The following SAMD5 variants were observed in gnomAD, a reference collection of about 807,000 sequenced individuals.
SAMD5 encodes sterile alpha motif domain containing 5.
SAMD5 carries 13 observed loss-of-function variants against 11.3 expected under a neutral mutation model. That is an observed-to-expected ratio of 1.15 (90% confidence interval 0.75 to 1.83). SAMD5 has a LOEUF of 1.83. Among genes scored for constraint, SAMD5 ranks in the 40% most tolerant of loss-of-function variants. SAMD5 has a pLI of 0.00. For missense variants in SAMD5, 255 were observed against 239.1 expected, an observed-to-expected ratio of 1.07 and a Z score of -0.44; for synonymous variants, 129 against 111.3, an observed-to-expected ratio of 1.16 and a Z score of -1.00.
intron 1 of SAMD5, among the ~76,000 whole-genome samples, chr6:147,678,256 CAGT>C (rs199844907): frequency 0.12 from 17,520 of 140,726 alleles, 1,106 homozygotes; most frequent in Middle Eastern, 0.17. Flanking sequence ...AAAAATAAAA[CAGT>C]AGGATTTACA....
the SAMD5 span, among the ~76,000 whole-genome samples, chr6:147,782,950 G>A: frequency 0.011 from 1,654 of 152,188 alleles, 21 homozygotes; most frequent in Non-Finnish European, 0.016. Context: ...TGATTTTTGT[G>A]TCTGTAATTG....
At chr6:147,712,335 G>T (rs1012892560) in intron 1 of SAMD5, among the ~76,000 whole-genome samples, 2 of 152,034 alleles carry the variant, frequency 1.3e-5, no homozygotes, top group African/African-American at 4.8e-5. Flanking sequence ...TTTTTTCCAG[G>T]AATATTATTT....
intron 1 of SAMD5, among the ~76,000 whole-genome samples, chr6:147,548,409 T>C (rs902211255): frequency 6.6e-6 from 1 of 152,238 alleles, no homozygotes; most frequent in African/African-American, 2.4e-5. Flanking sequence ...GTTACATGTC[T>C]AATTGTTTAT....
chr6:147,934,188 A>G, the SAMD5 span, among the ~76,000 whole-genome samples: 1 of 152,228 alleles, frequency 6.6e-6, no homozygotes, highest in Non-Finnish European at 1.5e-5. Context: ...TGTTGCCTTC[A>G]CTGATTAGGA....
chr6:147,795,319 G>A, the SAMD5 span, among the ~76,000 whole-genome samples: 2 of 144,292 alleles, frequency 1.4e-5, no homozygotes, highest in African/African-American at 2.7e-5. Flanking sequence ...TGCGGTGTTT[G>A]GTTTTTTGTC....
chr6:147,567,550 C>T lies in SAMD5; in HGVS notation c.*3094C>T. ...TCTGTAAAATGGGAAAAATAAATAC[C>T]TCTATAGCTCTTAAGAGGCTTAAGA... On this transcript the variant is annotated 3_prime_UTR_variant, in exon 2 of 2. Transcript: ENST00000367474. 2.2e-6 allele frequency: 2 copies of T among 895,040 alleles called. No individual in the cohort carries two copies. Among genetic ancestry groups the T allele is most frequent in the Non-Finnish European group, 2.7e-6 (2 of 747,784 alleles). 55.4% of individuals were successfully genotyped at this position (895,040 alleles called of 1,614,324 possible). A position where few individuals can be genotyped will look rare whatever the true frequency, so the allele number is the denominator to read the frequency against.
intron 1 of SAMD5, among the ~76,000 whole-genome samples, chr6:147,726,962 G>C (rs1791637936): frequency 6.6e-6 from 1 of 152,046 alleles, no homozygotes; most frequent in South Asian, 2.1e-4. Flanking sequence ...CATAATTCCA[G>C]CCTCACCTCT....
chr6:147,582,656 A>T (rs1172115311), intron 1 of SAMD5, among the ~76,000 whole-genome samples: 1 of 152,184 alleles, frequency 6.6e-6, no homozygotes, highest in Non-Finnish European at 1.5e-5. Context: ...AGCTTTAGGT[A>T]TTTCCCCTTG....
chr6:147,534,973 CCCAGGAATGAACAAGGACAG>C (rs1788485736), intron 1 of SAMD5, among the ~76,000 whole-genome samples: 1 of 152,126 alleles, frequency 6.6e-6, no homozygotes, highest in African/African-American at 2.4e-5. Flanking sequence ...TCAGCCTATG[CCCAGGAATGAACAAGGACAG>C]CTTGGAGGTT....
chr6:147,912,297 G>T, the SAMD5 span, among the ~76,000 whole-genome samples: 1 of 152,158 alleles, frequency 6.6e-6, no homozygotes, highest in Non-Finnish European at 1.5e-5. Context: ...ATGTAGATGT[G>T]AACCTAGGCC....
chr6:147,697,883 T>TA (rs1268587428), intron 1 of SAMD5, among the ~76,000 whole-genome samples: 4 of 152,116 alleles, frequency 2.6e-5, no homozygotes, highest in Non-Finnish European at 4.4e-5. Flanking sequence ...TATGTTTAGC[T>TA]AAAAAAACTA....
chr6:147,878,074 A>G, the SAMD5 span, among the ~76,000 whole-genome samples: 52 of 151,838 alleles, frequency 3.4e-4, 2 homozygotes, highest in South Asian at 0.01. Flanking sequence ...ACCATGGCCC[A>G]GCCTATATAT....
the SAMD5 span, among the ~76,000 whole-genome samples, chr6:147,932,582 A>G: frequency 1.4e-5 from 2 of 146,954 alleles, no homozygotes; most frequent in Non-Finnish European, 3.0e-5. Flanking sequence ...GTCAGGTCTT[A>G]CAGAATTGTG....
At chr6:147,641,336 A>G (rs1286498838) in intron 1 of SAMD5, among the ~76,000 whole-genome samples, 1 of 152,112 alleles carries the variant, frequency 6.6e-6, no homozygotes, top group South Asian at 2.1e-4. Flanking sequence ...GGGGAGCTCA[A>G]TTTGGGGGCT....
At chr6:147,874,898 G>T in the SAMD5 span, among the ~76,000 whole-genome samples, 2 of 152,056 alleles carry the variant, frequency 1.3e-5, no homozygotes, top group Non-Finnish European at 2.9e-5. Context: ...AAAATGGCCT[G>T]ATTATGTTAA....
At chr6:147,680,244 CT>C (rs200070706) in intron 1 of SAMD5, among the ~76,000 whole-genome samples, 2,092 of 152,038 alleles carry the variant, frequency 0.014, 47 homozygotes, top group African/African-American at 0.048. Flanking sequence ...ATGTGCAGGT[CT>C]TGCTTATTTT....
chr6:147,719,455 C>T (rs1791516325), intron 1 of SAMD5, among the ~76,000 whole-genome samples: 1 of 152,140 alleles, frequency 6.6e-6, no homozygotes, highest in Admixed American at 6.5e-5. Flanking sequence ...GACATTCTAG[C>T]CTCATCATCT....
chr6:147,643,748 G>GGAAGGAAA (rs1252788820), intron 1 of SAMD5, among the ~76,000 whole-genome samples: 32 of 88,786 alleles, frequency 3.6e-4, no homozygotes, highest in African/African-American at 2.0e-3. Flanking sequence ...AAGGAAAGAA[G>GGAAGGAAA]GAAGGAAGGA....
intron 1 of SAMD5, among the ~76,000 whole-genome samples, chr6:147,577,355 GTTTAAAAGAGAAGTTAA>G (rs1163918163): frequency 1.3e-5 from 2 of 152,118 alleles, no homozygotes; most frequent in African/African-American, 4.8e-5. Flanking sequence ...TTATACACAT[GTTTAAAAGAGAAGTTAA>G]TTCAATAATT....
Sources: allele counts gnomAD v4.1 joint callset (sites outside exome capture counted in the v4.1 genomes callset), GRCh38; gene constraint gnomAD v4.1.1; transcripts MANE v1.5; gene names NCBI Gene and HGNC (gene_info 2026-07-23, HGNC 2026-07-21).